Variants in CTNND2 observed in about 807,000 individuals in gnomAD.
CTNND2 encodes catenin delta 2.
In CTNND2, 22 loss-of-function variants were observed where a neutral mutation model predicts 144.4. The ratio of observed to expected loss-of-function variants is 0.15; its 90% CI spans 0.11 to 0.22. The LOEUF is 0.22. Among genes scored for constraint, CTNND2 ranks in the 10% least tolerant of loss-of-function variants. CTNND2 has a pLI of 1.00. For synonymous variants in CTNND2, 751 were observed against 695.6 expected, an observed-to-expected ratio of 1.08 and a Z score of -1.25; for missense variants, 1,353 against 1,618.8, an observed-to-expected ratio of 0.84 and a Z score of 2.82.
At position 11,225,783 on chromosome 5, in the gene CTNND2, C is replaced by A. The variant is rs116160454; in HGVS notation, c.1761+10908G>T. Among the ~76,000 whole-genome samples the A allele has an allele frequency of 1.9e-3, 293 of 152,282 alleles. 3 individuals are homozygous for A. Among genetic ancestry groups the A allele is most frequent in the African/African-American group, 6.4e-3 (266 of 41,556 alleles). The stretch of plus-strand genomic sequence containing the variant: ...TTGTTATAGGTTGAATATCGTCCCC[C>A]ACAAAAGATATATTGAAACCCTAGT... On this transcript the variant is annotated intron_variant, in intron 10 of 21. Coordinates refer to ENST00000304623, the MANE Select transcript of CTNND2 (RefSeq NM_001332.4).
chr5:11,529,569 A>T (rs1361662346), intron 3 of CTNND2, among the ~76,000 whole-genome samples: 1 of 152,266 alleles, frequency 6.6e-6, no homozygotes, highest in Non-Finnish European at 1.5e-5. Context: ...AAGATAATCA[A>T]ATAAAGCTTA....
At chr5:11,260,878 T>C (rs1057263069) in intron 9 of CTNND2, among the ~76,000 whole-genome samples, 1 of 152,194 alleles carries the variant, frequency 6.6e-6, no homozygotes, top group African/African-American at 2.4e-5. Context: ...GTATAATAGA[T>C]GAGTTGGTGA....
intron 1 of CTNND2, among the ~76,000 whole-genome samples, chr5:11,810,792 A>C (rs758452331): frequency 6.6e-6 from 1 of 152,296 alleles, no homozygotes; most frequent in South Asian, 2.1e-4. Flanking sequence ...GCATTGTCAT[A>C]CTACTTTAAA....
At chr5:11,807,884 G>C (rs1283175812) in intron 1 of CTNND2, among the ~76,000 whole-genome samples, 1 of 152,166 alleles carries the variant, frequency 6.6e-6, no homozygotes, top group Non-Finnish European at 1.5e-5. Context: ...TATTATTAAT[G>C]ATTGTGTTTG....
chr5:11,625,129 G>A (rs757761309), intron 2 of CTNND2, among the ~76,000 whole-genome samples: 2 of 152,002 alleles, frequency 1.3e-5, no homozygotes, highest in African/African-American at 2.4e-5. Context: ...TTTAAACAAC[G>A]ACGTTACATG....
intron 1 of CTNND2, among the ~76,000 whole-genome samples, chr5:11,751,969 G>C (rs1788648952): frequency 6.6e-6 from 1 of 151,808 alleles, no homozygotes; most frequent in East Asian, 1.9e-4. Flanking sequence ...GATTCATGAT[G>C]TTAAGTACTT....
At chr5:11,743,243 T>C (rs1305920871) in intron 1 of CTNND2, among the ~76,000 whole-genome samples, 4 of 152,168 alleles carry the variant, frequency 2.6e-5, no homozygotes, top group Admixed American at 2.0e-4. Context: ...TCAATAATAA[T>C]TGCTTATGAG....
intron 3 of CTNND2, among the ~76,000 whole-genome samples, chr5:11,463,023 C>T (rs979019863): frequency 1.3e-5 from 2 of 152,202 alleles, no homozygotes; most frequent in African/African-American, 4.8e-5. Context: ...AAGCTGTTTG[C>T]CATTCCCTTC....
intron 2 of CTNND2, among the ~76,000 whole-genome samples, chr5:11,707,961 T>G (rs1785799833): frequency 6.6e-6 from 1 of 152,214 alleles, no homozygotes; most frequent in African/African-American, 2.4e-5. Context: ...TGCATTTTGC[T>G]AATTGTAGGA....
At chr5:11,295,245 G>C (rs1319133701) in intron 9 of CTNND2, among the ~76,000 whole-genome samples, 1 of 152,136 alleles carries the variant, frequency 6.6e-6, no homozygotes, top group African/African-American at 2.4e-5. Context: ...GCTTCAAAGA[G>C]AATAAAATAC....
At position 11,078,554 on chromosome 5, in the gene CTNND2, G is replaced by T. The variant is rs1262142382; in HGVS notation, c.2788+4142C>A. Among the ~76,000 whole-genome samples, 4 of 152,262 alleles carry T rather than the reference G, an allele frequency of 2.6e-5. No individual in the cohort carries two copies. The East Asian group carries it at 7.7e-4, about 29-fold the overall frequency. ...GACTAGATAACTGGCTTTTGAGAAAGAAGAGATGCCTAGGAGCTGTCAAAC... is the reference window on the plus strand; with the variant it reads ...GACTAGATAACTGGCTTTTGAGAAATAAGAGATGCCTAGGAGCTGTCAAAC... On this transcript the variant is annotated intron_variant, in intron 16 of 21. Transcript: ENST00000304623.
At chr5:11,333,782 G>A (rs1423116395) in intron 9 of CTNND2, among the ~76,000 whole-genome samples, 2 of 152,112 alleles carry the variant, frequency 1.3e-5, no homozygotes, top group Non-Finnish European at 2.9e-5. Flanking sequence ...TGGCAGGCAG[G>A]TTGACTCCTC....
At chr5:11,672,924 C>A (rs890320618) in intron 2 of CTNND2, among the ~76,000 whole-genome samples, 5 of 152,132 alleles carry the variant, frequency 3.3e-5, no homozygotes, top group African/African-American at 1.2e-4. Context: ...GCTCACCCTC[C>A]GTGAGCTGCA....
At chr5:11,104,156 G>T (rs1435546218) in intron 14 of CTNND2, among the ~76,000 whole-genome samples, 1 of 152,196 alleles carries the variant, frequency 6.6e-6, no homozygotes, top group African/African-American at 2.4e-5. Context: ...ACTAATTAGG[G>T]AGCATCACAG....
intron 1 of CTNND2, among the ~76,000 whole-genome samples, chr5:11,774,021 G>T (rs578102225): frequency 4.5e-4 from 69 of 152,212 alleles, no homozygotes; most frequent in Admixed American, 2.7e-3. Flanking sequence ...CAAGAAAGAA[G>T]AGATCATACA....
At position 11,904,241 on chromosome 5, in the gene CTNND2, C is replaced by T. The variant is rs1055359047; in HGVS notation, c.-388G>A. ...GTCGCCGCGGGCGCGAGCCTGGGGC[C>T]GCCGCGGCGCCCGGCGCCGAGCGCT... On this transcript the variant is annotated 5_prime_UTR_variant, in exon 1 of 22. Transcript: ENST00000304623. This position sits in a 1 kb window ranked among gnomAD's most constrained non-coding sequence, Gnocchi z 4.2. 6.9e-6 allele frequency among the ~76,000 whole-genome samples: 1 copy of T among 144,900 alleles called. No individual in the cohort carries two copies. The highest frequency in any genetic ancestry group is 1.5e-5 in the Non-Finnish European group (1 of 65,374).
intron 1 of CTNND2, among the ~76,000 whole-genome samples, chr5:11,755,641 C>CCTT (rs1554115581): frequency 7.1e-6 from 1 of 140,208 alleles, no homozygotes; most frequent in Non-Finnish European, 1.5e-5. Context: ...GTTCATTCTT[C>CCTT]TTTTTTTTTT....
At chr5:11,176,266 T>C (rs1760468941) in intron 11 of CTNND2, among the ~76,000 whole-genome samples, 2 of 152,154 alleles carry the variant, frequency 1.3e-5, no homozygotes, top group African/African-American at 2.4e-5. Flanking sequence ...GAATCCTCTA[T>C]TTAAAAATCC....
intron 3 of CTNND2, among the ~76,000 whole-genome samples, chr5:11,544,175 T>G (rs1374162970): frequency 4.0e-5 from 6 of 151,428 alleles, no homozygotes; most frequent in African/African-American, 7.2e-5. Flanking sequence ...AGGCAGATTT[T>G]TTTTTTCTTT....
Sources: allele counts gnomAD v4.1 joint callset (sites outside exome capture counted in the v4.1 genomes callset), GRCh38; gene constraint gnomAD v4.1.1; non-coding constraint Gnocchi (gnomAD v3.1); transcripts MANE v1.5; gene names NCBI Gene and HGNC (gene_info 2026-07-23, HGNC 2026-07-21).